Variants in WWOX observed in about 807,000 individuals in gnomAD.
WWOX encodes WW domain-containing oxidoreductase.
Under a neutral mutation model 46.2 loss-of-function variants are expected in WWOX, and 69 were observed. The ratio of observed to expected loss-of-function variants is 1.49; its 90% CI spans 1.23 to 1.82. The LOEUF is 1.82. WWOX is among the 40% of genes most tolerant of loss of function. The pLI, the probability that WWOX is intolerant of heterozygous loss-of-function variation, is 0.00. For synonymous variants in WWOX, 359 were observed against 202.6 expected (o/e 1.77, Z -6.56); for missense variants, 919 against 542.6 (o/e 1.69, Z -6.89).
At chr16:78,326,103 C>G (rs1215007016) in intron 5 of WWOX, among the ~76,000 whole-genome samples, 1 of 152,136 alleles carries the variant, frequency 6.6e-6, no homozygotes, top group Non-Finnish European at 1.5e-5. Flanking sequence ...TTGAGCTCCC[C>G]TCCAGAAGTC....
intron 8 of WWOX, among the ~76,000 whole-genome samples, chr16:79,078,578 C>T (rs1172482082): frequency 6.6e-6 from 1 of 152,198 alleles, no homozygotes. Flanking sequence ...GCATCCCTCG[C>T]CATAGGAGAA....
chr16:78,516,493 T>A (rs563596706), intron 8 of WWOX, among the ~76,000 whole-genome samples: 2 of 152,226 alleles, frequency 1.3e-5, no homozygotes, highest in Non-Finnish European at 2.9e-5. Flanking sequence ...TGGAAACATT[T>A]TAGAAAATTG....
intron 5 of WWOX, among the ~76,000 whole-genome samples, chr16:78,316,828 T>C (rs1382402129): frequency 6.6e-6 from 1 of 152,236 alleles, no homozygotes; most frequent in East Asian, 1.9e-4. Flanking sequence ...ATGCTGCTTT[T>C]TAAGTGATAG....
chr16:78,804,217 T>C lies in WWOX; in HGVS notation c.1056+371465T>C, dbSNP rs1389620027. Among the ~76,000 whole-genome samples, 8 of 152,222 alleles carry C rather than the reference T, an allele frequency of 5.3e-5. 1 individual carries two copies. The highest frequency in any genetic ancestry group is 1.2e-4 in the Non-Finnish European group (8 of 68,008). ...GGAACTGCAGTCCCTCCTCTATGCCTTCCCCTGAACACAGTGCGCCCTCAC... is the reference window on the plus strand; with the variant it reads ...GGAACTGCAGTCCCTCCTCTATGCCCTCCCCTGAACACAGTGCGCCCTCAC... On this transcript the variant is annotated intron_variant, in intron 8 of 8. Coordinates refer to ENST00000566780, the MANE Select transcript of WWOX (RefSeq NM_016373.4).
intron 8 of WWOX, among the ~76,000 whole-genome samples, chr16:78,874,024 G>A (rs569804478): frequency 6.6e-6 from 1 of 152,082 alleles, no homozygotes; most frequent in East Asian, 1.9e-4. Context: ...CACTTTGGGA[G>A]GCCGGGGTGG....
chr16:78,804,756 G>C (rs1236462429), intron 8 of WWOX, among the ~76,000 whole-genome samples: 1 of 152,084 alleles, frequency 6.6e-6, no homozygotes, highest in Admixed American at 6.6e-5. Flanking sequence ...TGTAGCAAAA[G>C]TTACCTTGAT....
chr16:78,605,536 G>C (rs985895134), intron 8 of WWOX, among the ~76,000 whole-genome samples: 3 of 151,946 alleles, frequency 2.0e-5, no homozygotes, highest in Non-Finnish European at 4.4e-5. Flanking sequence ...TGTGCTAACT[G>C]AAGAATGGAA....
intron 8 of WWOX, among the ~76,000 whole-genome samples, chr16:79,151,167 T>C (rs2050271293): frequency 6.6e-6 from 1 of 152,230 alleles, no homozygotes; most frequent in South Asian, 2.1e-4. Context: ...CCATATGTTA[T>C]ATAGTTAACT....
intron 8 of WWOX, among the ~76,000 whole-genome samples, chr16:78,594,531 T>C (rs2045436273): frequency 7.1e-6 from 1 of 141,414 alleles, no homozygotes. Flanking sequence ...AAATCCCACA[T>C]GAAAAGTCTC....
At chr16:78,949,055 A>T (rs562611581) in intron 8 of WWOX, among the ~76,000 whole-genome samples, 1 of 152,314 alleles carries the variant, frequency 6.6e-6, no homozygotes, top group African/African-American at 2.4e-5. Flanking sequence ...TCTGACAGCC[A>T]GAAGGAAATA....
At chr16:78,182,625 C>A (rs569384528) in intron 5 of WWOX, among the ~76,000 whole-genome samples, 5 of 152,114 alleles carry the variant, frequency 3.3e-5, no homozygotes, top group Admixed American at 2.0e-4. Flanking sequence ...TCAGGTAGAG[C>A]ACTGAGCACC....
chr16:78,168,990 C>A (rs1171745030), intron 5 of WWOX, among the ~76,000 whole-genome samples: 1 of 152,070 alleles, frequency 6.6e-6, no homozygotes, highest in Non-Finnish European at 1.5e-5. Flanking sequence ...AAACCACTGT[C>A]TTAAAAGGCC....
chr16:79,179,864 A>G (rs1212469319), intron 8 of WWOX, among the ~76,000 whole-genome samples: 3 of 152,226 alleles, frequency 2.0e-5, no homozygotes, highest in Non-Finnish European at 4.4e-5. Context: ...AAATGAGTCT[A>G]AGTACCCTAT....
chr16:78,275,166 A>T (rs989555220), intron 5 of WWOX, among the ~76,000 whole-genome samples: 1 of 152,184 alleles, frequency 6.6e-6, no homozygotes, highest in Non-Finnish European at 1.5e-5. Context: ...TAAAACGTGG[A>T]GGGGGGTGGT....
At chr16:78,305,685 G>A (rs961715880) in intron 5 of WWOX, among the ~76,000 whole-genome samples, 1 of 151,718 alleles carries the variant, frequency 6.6e-6, no homozygotes, top group Admixed American at 6.6e-5. Context: ...ATGATTTAAT[G>A]ACAGAAAGTC....
chr16:78,649,926 A>C (rs905466727), intron 8 of WWOX, among the ~76,000 whole-genome samples: 1 of 152,244 alleles, frequency 6.6e-6, no homozygotes, highest in African/African-American at 2.4e-5. Context: ...GTTTGGATCA[A>C]CAGCCCTGGC....
chr16:78,981,132 T>C (rs1270704369), intron 8 of WWOX, among the ~76,000 whole-genome samples: 2 of 152,328 alleles, frequency 1.3e-5, no homozygotes, highest in South Asian at 2.1e-4. Context: ...ACCAGTGTCC[T>C]AGCTGGGAGG....
chr16:78,941,679 C>G (rs994141526), intron 8 of WWOX, among the ~76,000 whole-genome samples: 8 of 152,026 alleles, frequency 5.3e-5, no homozygotes, highest in Non-Finnish European at 1.2e-4. Context: ...TTTGCATCCC[C>G]CCTACTCACA....
At chr16:78,699,706 C>G (rs930356236) in intron 8 of WWOX, among the ~76,000 whole-genome samples, 2 of 152,222 alleles carry the variant, frequency 1.3e-5, no homozygotes, top group African/African-American at 4.8e-5. Flanking sequence ...TCTACAGCCT[C>G]TACCAGATGG....
Sources: allele counts gnomAD v4.1 joint callset (sites outside exome capture counted in the v4.1 genomes callset), GRCh38; gene constraint gnomAD v4.1.1; transcripts MANE v1.5; gene names NCBI Gene and HGNC (gene_info 2026-07-23, HGNC 2026-07-21).